Variants in ZNF14 observed in about 807,000 individuals in gnomAD.
ZNF14 encodes gonadotropin inducible transcription repressor-4.
Under a neutral mutation model 11.3 loss-of-function variants are expected in ZNF14, and 9 were observed. The ratio of observed to expected loss-of-function variants is 0.80; its 90% CI spans 0.48 to 1.39. The LOEUF (loss-of-function observed/expected upper bound fraction) is 1.39. Among genes scored for constraint, ZNF14 ranks in the 40% most tolerant of loss-of-function variants. The probability of loss-of-function intolerance (pLI) is 0.00; values close to 1 mark genes in which losing one functional copy is unlikely to be tolerated. For missense variants in ZNF14, 711 were observed against 763.9 expected, an observed-to-expected ratio of 0.93 and a Z score of 0.82; for synonymous variants, 239 against 245.7, an observed-to-expected ratio of 0.97 and a Z score of 0.25.
Position 19,714,113 on chromosome 19 carries a change from T to C in ZNF14, c.169A>G (p.Arg57Gly). ...WEDQDIEDDH[R>G]NQGKNRRCHM... is the part of the protein sequence containing the mutation. ...CACCTTCGATTTTTCCCCTGGTTTC[T>C]GTGGTCATCTTCAATGTCCTGGTCT... The change falls in exon 3 of 4, where the codon AGA becomes GGA. Residue 57 changes from arginine (R) to glycine (G), a missense_variant. Arg to Gly is a moderately radical substitution (Grantham distance 125). Transcript: ENST00000344099. The C allele has an allele frequency of 6.2e-7, 1 of 1,613,494 alleles. No individual in the cohort carries two copies. Among genetic ancestry groups the C allele is most frequent in the African/African-American group, 1.3e-5 (1 of 75,054 alleles).
At chr19:19,714,000 A>G in intron 3 of ZNF14, 91 bp downstream of exon 3, 1 of 1,206,268 alleles carries the variant, frequency 8.3e-7, no homozygotes, top group South Asian at 1.3e-5. Flanking sequence ...TTTTCTAGGA[A>G]TAAATAAATT....
At chr19:19,715,470 CAG>C (rs2062375364) in intron 1 of ZNF14, among the ~76,000 whole-genome samples, 2 of 152,214 alleles carry the variant, frequency 1.3e-5, no homozygotes, top group South Asian at 4.1e-4. Context: ...GAGCCCCAAA[CAG>C]AGTCAAGCTA....
In ZNF14 at chr19:19,712,544, G is replaced by A; in HGVS notation, c.737C>T (p.Thr246Ile). 6.2e-7 allele frequency: 1 copy of A among 1,613,338 alleles called. No homozygotes were observed. The highest frequency in any genetic ancestry group is 1.1e-5 in the South Asian group (1 of 90,888). ...QSFQRHKRTH[T>I]GEKPYECKQC... ...CTTACATTCATAGGGTTTCTCTCCA[G>A]TGTGAGTCCTTTTGTGTCTTTGAAA... Residue 246 changes from threonine (T) to isoleucine (I), a missense_variant, in exon 4 of 4, where the codon ACT (threonine) becomes ATT (isoleucine). By Grantham distance (89) the Thr-to-Ile change is moderately conservative. Coordinates refer to ENST00000344099, the MANE Select transcript of ZNF14 (RefSeq NM_021030.3).
In ZNF14 at chr19:19,714,388, C is replaced by T; in HGVS notation, c.103G>A (p.Glu35Lys). Residue 35 changes from glutamate (E) to lysine (K), a missense_variant, in exon 2 of 4, where the codon GAG (glutamate) becomes AAG (lysine). By Grantham distance (56) the Glu-to-Lys change is moderately conservative (BLOSUM62 1). Transcript: ENST00000344099. ...QKKLYEDVMQ[E>K]TFKNLVCLGK... ...AGACAAACCAGGTTTTTGAAGGTCT[C>T]CTGCATCACATCTTCATAGAGCTTT... is the stretch of plus-strand genomic sequence containing the variant. The T allele has an allele frequency of 6.2e-7, 1 of 1,614,062 alleles. No individual in the cohort carries two copies. Among genetic ancestry groups the T allele is most frequent in the Non-Finnish European group, 8.5e-7 (1 of 1,180,016 alleles).
In ZNF14 at chr19:19,711,522, A is replaced by G. The variant is rs2062359888; in HGVS notation, c.1759T>C (p.Tyr587His). 2 of 1,613,668 alleles carry G rather than the reference A, an allele frequency of 1.2e-6. No homozygotes were observed. Residue 587 changes from tyrosine to histidine, a missense_variant, in exon 4 of 4, where the codon TAT becomes CAT. Physicochemically the swap from Tyr to His is moderately conservative, Grantham distance 83. Coordinates refer to ENST00000344099, the MANE Select transcript of ZNF14 (RefSeq NM_021030.3). ...GCTTTCCCACATTGTTTACATCGAT[A>G]GGGTTTCTCTCCCGTGTGAGTTCTC... ...HERTHTGEKP[Y>H]RCKQCGKAFR...
intron 1 of ZNF14, among the ~76,000 whole-genome samples, chr19:19,716,910 C>A (rs1024521132): frequency 2.6e-5 from 4 of 152,064 alleles, no homozygotes; most frequent in Admixed American, 6.6e-5. Flanking sequence ...ATGATTTTAC[C>A]AAAGCCTATG....
rs757091767 is a variant in ZNF14, at chr19:19,711,347, T to C, written c.*5A>G. The stretch of plus-strand genomic sequence containing the variant: ...ACCGAAGGCTTCAGAATGTTGCTTA[T>C]ATTCTTAGACTTTCTCTCCCATATG... On this transcript the variant is annotated 3_prime_UTR_variant, in exon 4 of 4. Coordinates refer to ENST00000344099, the MANE Select transcript of ZNF14 (RefSeq NM_021030.3). 1.7e-5 allele frequency: 26 copies of C among 1,536,508 alleles called. No individual in the cohort carries two copies. The highest frequency in any genetic ancestry group is 2.2e-5 in the Non-Finnish European group (25 of 1,147,424).
intron 1 of ZNF14, among the ~76,000 whole-genome samples, chr19:19,728,654 T>C (rs1349053082): frequency 7.5e-6 from 1 of 132,496 alleles, no homozygotes; most frequent in African/African-American, 2.8e-5. Context: ...GTAAAGATTA[T>C]GATTACAAAG....
chr19:19,725,378 C>A (rs1328133370), intron 1 of ZNF14, among the ~76,000 whole-genome samples: 2 of 133,734 alleles, frequency 1.5e-5, no homozygotes, highest in Admixed American at 7.3e-5. Context: ...GTTGAAAATT[C>A]TTTTCTTTAA....
chr19:19,714,576 T>C (rs1309429307), intron 1 of ZNF14, 89 bp from the exon 2 acceptor site: 12 of 1,458,460 alleles, frequency 8.2e-6, no homozygotes, highest in Non-Finnish European at 1.0e-5. Flanking sequence ...TCCCATACAA[T>C]TCTGTGTTCT....
Position 19,712,413 on chromosome 19 carries a change from A to G in ZNF14, c.868T>C (p.Phe290Leu), listed in dbSNP as rs764630231. 1.2e-6 allele frequency: 2 copies of G among 1,609,558 alleles called. No homozygotes were observed. Among genetic ancestry groups the G allele is most frequent in the Non-Finnish European group, 1.7e-6 (2 of 1,178,640 alleles). ...TTATGCCTTCGAAAAGAACTGAGAA[A>G]ACTGAAGGCTTTACCACATTCTTTA... Reference protein sequence around the residue: ...KCKECGKAFSFLSSFRRHKRT... With the variant: ...KCKECGKAFSLLSSFRRHKRT... The change falls in exon 4 of 4, where the codon TTT (phenylalanine) becomes CTT (leucine). Residue 290 changes from phenylalanine to leucine, a missense_variant. Phe to Leu is a conservative substitution (Grantham distance 22). Transcript: ENST00000344099.
Position 19,720,076 on chromosome 19 carries a change from A to G in ZNF14, c.4-5589T>C, listed in dbSNP as rs2062388570. Among the ~76,000 whole-genome samples, 1 of 152,168 alleles carries G rather than the reference A, an allele frequency of 6.6e-6. No individual in the cohort carries two copies. The highest frequency in any genetic ancestry group is 2.4e-5 in the African/African-American group (1 of 41,444). ...GTGCATAAAAACAGAGTGGCAAAAT[A>G]ATGAGGCAAAACTGATGGAACGGCA... On this transcript the variant is annotated intron_variant, in intron 1 of 3. Transcript: ENST00000344099. The surrounding 1 kb of genome is among the most constrained non-coding windows in gnomAD (Gnocchi z 4.1).
At chr19:19,714,558 T>C in intron 1 of ZNF14, 71 bp from the exon 2 acceptor site, 1 of 1,531,174 alleles carries the variant, frequency 6.5e-7, no homozygotes, top group Non-Finnish European at 8.8e-7. Flanking sequence ...ACTTGATTTG[T>C]AAGAAGTTCC....
In ZNF14 at chr19:19,711,317, G is replaced by C. The variant is rs73006749; in HGVS notation, c.*35C>G. 0.031 allele frequency: 47,563 copies of C among 1,523,168 alleles called. 896 individuals are homozygous for C. Among genetic ancestry groups the C allele is most frequent in the Middle Eastern group, 0.062 (350 of 5,630 alleles). The allele number at this position is 1,523,168 out of a possible 1,614,324, so 94.4% of individuals were successfully genotyped here. ...TCTTTTGTGTATTCAGAAGGAGCTG[G>C]AACAACCGAAGGCTTCAGAATGTTG... On this transcript the variant is annotated 3_prime_UTR_variant, in exon 4 of 4. Transcript: ENST00000344099.
chr19:19,716,760 G>A (rs919899333), intron 1 of ZNF14, among the ~76,000 whole-genome samples: 8 of 152,096 alleles, frequency 5.3e-5, no homozygotes, highest in African/African-American at 1.7e-4. Flanking sequence ...AGAATTGAGG[G>A]TCATAAGGCA....
intron 3 of ZNF14, 45 bp downstream of exon 3, chr19:19,714,046 T>C: frequency 1.3e-6 from 2 of 1,564,466 alleles, no homozygotes; most frequent in East Asian, 4.5e-5. Context: ...TGCTTTCTTT[T>C]GAAATTCCCC....
chr19:19,711,662 A>G lies in ZNF14; in HGVS notation c.1619T>C (p.Phe540Ser), dbSNP rs1382292121. ...CAATCGAATTTGACTGGAACGAAGG[A>G]AGGCCTTACCACATTGCTTACACTC... ...PFECKQCGKAFLRSSQIRLHE... is the reference protein window; with the variant it reads ...PFECKQCGKASLRSSQIRLHE... The change falls in exon 4 of 4, where the codon TTC becomes TCC. Residue 540 changes from phenylalanine (F) to serine (S), a missense_variant. Coordinates refer to ENST00000344099, the MANE Select transcript of ZNF14 (RefSeq NM_021030.3). 1 of 1,614,110 alleles carries G rather than the reference A, an allele frequency of 6.2e-7. No individual in the cohort carries two copies. The highest frequency in any genetic ancestry group is 8.5e-7 in the Non-Finnish European group (1 of 1,180,010).
chr19:19,720,198 T>C lies in ZNF14; in HGVS notation c.4-5711A>G, dbSNP rs73924841. ...GCAGGCAGAAAATGAGGAAGGACAT[T>C]GTTGAACTGAACAGTACCATCAAAC... On this transcript the variant is annotated intron_variant, in intron 1 of 3. Coordinates refer to ENST00000344099, the MANE Select transcript of ZNF14 (RefSeq NM_021030.3). This position sits in a 1 kb window ranked among gnomAD's most constrained non-coding sequence, Gnocchi z 4.1. 0.013 allele frequency among the ~76,000 whole-genome samples: 1,961 copies of C among 152,278 alleles called. 55 individuals are homozygous for C. The highest frequency in any genetic ancestry group is 0.045 in the African/African-American group (1,877 of 41,538).
chr19:19,711,541 A>T lies in ZNF14; in HGVS notation c.1740T>A (p.Thr580=), dbSNP rs1405267524. The change falls in exon 4 of 4, where the codon ACT becomes ACA. Residue 580 remains threonine, a synonymous_variant. Transcript: ENST00000344099. ...SSSKFRMHER[T]HTGEKPYRCK... ...ATCGATAGGGTTTCTCTCCCGTGTG[A>T]GTTCTCTCATGCATTCGAAATTTAC... 6.2e-7 allele frequency: 1 copy of T among 1,613,058 alleles called. No individual in the cohort carries two copies. Among genetic ancestry groups the T allele is most frequent in the Non-Finnish European group, 8.5e-7 (1 of 1,179,746 alleles).
Sources: allele counts gnomAD v4.1 joint callset (sites outside exome capture counted in the v4.1 genomes callset), GRCh38; gene constraint gnomAD v4.1.1; non-coding constraint Gnocchi (gnomAD v3.1); transcripts MANE v1.5; gene names NCBI Gene and HGNC (gene_info 2026-07-23, HGNC 2026-07-21).